Variants in APPBP2 observed in about 807,000 individuals in gnomAD.
APPBP2 encodes amyloid protein-binding protein 2.
In APPBP2, 15 loss-of-function variants were observed where a neutral mutation model predicts 76.0. The observed-to-expected ratio is 0.20, with a 90% CI of 0.13 to 0.30. The LOEUF (loss-of-function observed/expected upper bound fraction) is 0.30. APPBP2 is among the 10% of genes least tolerant of loss of function. APPBP2 has a pLI of 1.00. For missense variants in APPBP2, 401 were observed against 687.2 expected (o/e 0.58, Z 4.66); for synonymous variants, 222 against 242.2 (o/e 0.92, Z 0.77).
chr17:60,450,449 A>AAG (rs1399327225), intron 12 of APPBP2, among the ~76,000 whole-genome samples: 1 of 151,118 alleles, frequency 6.6e-6, no homozygotes, highest in African/African-American at 2.4e-5. Flanking sequence ...AAAAAAAAAA[A>AAG]AAAGAAAATA....
intron 9 of APPBP2, chr17:60,460,110 C>T (rs1440277809): frequency 1.3e-5 from 2 of 152,186 alleles, no homozygotes; most frequent in Non-Finnish European, 2.9e-5. Context: ...GAAGGAAATA[C>T]TCAAAACATA....
At chr17:60,456,942 C>T (rs1267651241) in intron 9 of APPBP2, among the ~76,000 whole-genome samples, 1 of 151,898 alleles carries the variant, frequency 6.6e-6, no homozygotes, top group African/African-American at 2.4e-5. Context: ...TCGAGACAAG[C>T]CTGGCCAACA....
At chr17:60,510,281 T>A (rs2090901425) in intron 1 of APPBP2, among the ~76,000 whole-genome samples, 1 of 152,072 alleles carries the variant, frequency 6.6e-6, no homozygotes, top group Non-Finnish European at 1.5e-5. Flanking sequence ...TACATATCTG[T>A]AGTCTGAACT....
intron 3 of APPBP2, among the ~76,000 whole-genome samples, chr17:60,492,467 G>C (rs758271575): frequency 1.3e-5 from 2 of 152,228 alleles, no homozygotes; most frequent in Admixed American, 1.3e-4. Flanking sequence ...CGTGAAAGCA[G>C]CTGGGAGGGA....
At chr17:60,474,867 C>T (rs1320171697) in intron 4 of APPBP2, among the ~76,000 whole-genome samples, 1 of 152,078 alleles carries the variant, frequency 6.6e-6, no homozygotes, top group South Asian at 2.1e-4. Context: ...TTTATACTGT[C>T]TTCCCCTACC....
chr17:60,477,718 A>C (rs1048471097), intron 4 of APPBP2, among the ~76,000 whole-genome samples: 2 of 151,688 alleles, frequency 1.3e-5, no homozygotes, highest in African/African-American at 4.8e-5. Context: ...AATTAACTTC[A>C]GGATTGAATG....
At chr17:60,495,743 T>C (rs2090771082) in intron 2 of APPBP2, among the ~76,000 whole-genome samples, 1 of 152,054 alleles carries the variant, frequency 6.6e-6, no homozygotes, top group Non-Finnish European at 1.5e-5. Context: ...TAGTGGTTCC[T>C]CAAAAAGTTA....
intron 1 of APPBP2, among the ~76,000 whole-genome samples, chr17:60,516,305 T>A (rs1007954424): frequency 6.6e-6 from 1 of 152,126 alleles, no homozygotes; most frequent in Non-Finnish European, 1.5e-5. Flanking sequence ...AGAATGAAAG[T>A]TTTTTCGTTC....
intron 4 of APPBP2, among the ~76,000 whole-genome samples, chr17:60,475,886 T>C (rs2090587391): frequency 6.6e-6 from 1 of 152,180 alleles, no homozygotes; most frequent in Admixed American, 6.5e-5. Context: ...CTGGAGGTTC[T>C]AGAGAATTCC....
chr17:60,449,290 AG>A (rs201093491), intron 12 of APPBP2, among the ~76,000 whole-genome samples: 1 of 148,382 alleles, frequency 6.7e-6, no homozygotes, highest in Non-Finnish European at 1.5e-5. Context: ...AGTATAGCAG[AG>A]GGAAAAAAAG....
At chr17:60,521,503 C>T (rs967446012) in intron 1 of APPBP2, among the ~76,000 whole-genome samples, 2 of 152,164 alleles carry the variant, frequency 1.3e-5, no homozygotes, top group Admixed American at 6.5e-5. Flanking sequence ...TATACTGTAC[C>T]TTTTCCATGT....
intron 1 of APPBP2, among the ~76,000 whole-genome samples, chr17:60,514,868 A>G (rs2090950321): frequency 6.6e-6 from 1 of 152,082 alleles, no homozygotes; most frequent in Non-Finnish European, 1.5e-5. Context: ...CAGCAGTGCA[A>G]TCTCAGCTCA....
intron 2 of APPBP2, among the ~76,000 whole-genome samples, chr17:60,496,981 A>G (rs994602845): frequency 1.3e-5 from 2 of 152,096 alleles, no homozygotes; most frequent in African/African-American, 2.4e-5. Flanking sequence ...TTGGCCTCCC[A>G]AAGTGCTGGG....
intron 9 of APPBP2, among the ~76,000 whole-genome samples, chr17:60,459,305 A>G (rs945191560): frequency 1.5e-4 from 23 of 152,184 alleles, no homozygotes; most frequent in Admixed American, 1.0e-3. Context: ...GTGCTTTTTA[A>G]TATTTTTCTG....
At chr17:60,504,475 G>A (rs1204634790) in intron 1 of APPBP2, among the ~76,000 whole-genome samples, 1 of 152,040 alleles carries the variant, frequency 6.6e-6, no homozygotes, top group Non-Finnish European at 1.5e-5. Flanking sequence ...GGTAAACAAA[G>A]ATGCCTACCT....
intron 1 of APPBP2, among the ~76,000 whole-genome samples, chr17:60,522,143 A>AT (rs1313060214): frequency 1.3e-5 from 2 of 152,088 alleles, no homozygotes; most frequent in African/African-American, 4.8e-5. Context: ...TAGGGTTCTG[A>AT]TTTTTATTAA....
chr17:60,492,310 GTTGAA>G (rs1197382971), intron 3 of APPBP2, among the ~76,000 whole-genome samples: 1 of 152,240 alleles, frequency 6.6e-6, no homozygotes, highest in Non-Finnish European at 1.5e-5. Context: ...GAAATATTGG[GTTGAA>G]GCCCTTACAC....
intron 4 of APPBP2, among the ~76,000 whole-genome samples, chr17:60,475,351 T>C (rs993366557): frequency 3.3e-5 from 5 of 152,294 alleles, no homozygotes; most frequent in Admixed American, 1.3e-4. Flanking sequence ...ACGATCCTCC[T>C]GCCTTGGCCT....
intron 9 of APPBP2, among the ~76,000 whole-genome samples, chr17:60,457,128 CAAA>C (rs10713718): frequency 2.4e-5 from 3 of 124,024 alleles, no homozygotes; most frequent in Admixed American, 8.5e-5. Flanking sequence ...AAGACTGTCT[CAAA>C]AAAAAAAAAA....
Sources: gnomAD v4.1 joint callset for allele counts (sites outside exome capture counted in the v4.1 genomes callset) on GRCh38, gnomAD v4.1.1 for gene constraint, MANE v1.5 for transcripts, NCBI Gene and HGNC (gene_info 2026-07-23, HGNC 2026-07-21) for gene names.